KDM4C: variants seen among roughly 807,000 people sequenced by gnomAD.
KDM4C encodes the protein lysine-specific demethylase 4C.
Under a neutral mutation model 129.3 loss-of-function variants are expected in KDM4C, and 81 were observed. That is an observed-to-expected ratio of 0.63 (90% CI 0.52 to 0.75). The LOEUF is 0.75. KDM4C is among the 30% of genes least tolerant of loss of function. KDM4C has a pLI of 0.00. For synonymous variants in KDM4C, 573 were observed against 456.1 expected (o/e 1.26, Z -3.26); for missense variants, 1,457 against 1,304.0 (o/e 1.12, Z -1.81).
At chr9:6,750,013 A>G in intron 1 of KDM4C, among the ~76,000 whole-genome samples, 1 of 147,252 alleles carries the variant, frequency 6.8e-6, no homozygotes, top group Admixed American at 6.9e-5. Flanking sequence ...AAAAAAAAAA[A>G]GAGTAACCTA....
At chr9:6,817,563 T>C (rs898485464) in intron 4 of KDM4C, among the ~76,000 whole-genome samples, 2 of 151,976 alleles carry the variant, frequency 1.3e-5, no homozygotes, top group Non-Finnish European at 2.9e-5. Context: ...TACGTATATG[T>C]TTGAAATAGT....
intron 20 of KDM4C, among the ~76,000 whole-genome samples, chr9:7,169,478 G>A (rs567223908): frequency 6.6e-6 from 1 of 152,284 alleles, no homozygotes; most frequent in South Asian, 2.1e-4. Flanking sequence ...TGGGACTACA[G>A]GCATGCGCCA....
chr9:7,038,212 T>C (rs1564023659), intron 15 of KDM4C, among the ~76,000 whole-genome samples: 1 of 152,150 alleles, frequency 6.6e-6, no homozygotes, highest in African/African-American at 2.4e-5. Context: ...AATTTCTTTA[T>C]GTGTGTGTCT....
intron 15 of KDM4C, among the ~76,000 whole-genome samples, chr9:7,036,776 C>T (rs1055232937): frequency 6.6e-6 from 1 of 152,158 alleles, no homozygotes; most frequent in African/African-American, 2.4e-5. Context: ...CACCACCCCC[C>T]GATATAAGTC....
At chr9:7,081,997 T>C (rs942101631) in intron 17 of KDM4C, among the ~76,000 whole-genome samples, 2 of 152,140 alleles carry the variant, frequency 1.3e-5, no homozygotes, top group African/African-American at 4.8e-5. Context: ...TATCTAGATA[T>C]CAGGTGTTTT....
At chr9:6,847,172 A>G (rs1233689641) in intron 4 of KDM4C, among the ~76,000 whole-genome samples, 1 of 152,230 alleles carries the variant, frequency 6.6e-6, no homozygotes, top group Non-Finnish European at 1.5e-5. Flanking sequence ...TTGCAAGCTC[A>G]TTCAGTTTAA....
At chr9:6,845,092 C>T (rs535823057) in intron 4 of KDM4C, among the ~76,000 whole-genome samples, 3 of 152,196 alleles carry the variant, frequency 2.0e-5, no homozygotes, top group African/African-American at 4.8e-5. Flanking sequence ...CTCATTATTT[C>T]TCAAGGTTTC....
intron 8 of KDM4C, among the ~76,000 whole-genome samples, chr9:6,957,540 T>C (rs1829282730): frequency 6.6e-6 from 1 of 151,962 alleles, no homozygotes; most frequent in African/African-American, 2.4e-5. Flanking sequence ...GCCACAGTGG[T>C]AGTGGCAGCG....
chr9:7,155,225 C>T (rs994415684), intron 19 of KDM4C, among the ~76,000 whole-genome samples: 1 of 152,178 alleles, frequency 6.6e-6, no homozygotes, highest in Admixed American at 6.5e-5. Context: ...GGTGCTGAAC[C>T]CAAGGATATG....
chr9:6,961,687 T>C (rs544303672), intron 8 of KDM4C, among the ~76,000 whole-genome samples: 181 of 152,336 alleles, frequency 1.2e-3, no homozygotes, highest in Non-Finnish European at 2.2e-3. Flanking sequence ...GAGTGTAATA[T>C]ACAAGGTAAG....
At chr9:7,043,455 C>G (rs16925187) in intron 15 of KDM4C, among the ~76,000 whole-genome samples, 7,666 of 152,002 alleles carry the variant, frequency 0.05, 210 homozygotes, top group South Asian at 0.088. Context: ...GTTATCAATT[C>G]TGTTCTCTGA....
At chr9:6,916,889 A>C (rs551881612) in intron 8 of KDM4C, among the ~76,000 whole-genome samples, 2 of 152,296 alleles carry the variant, frequency 1.3e-5, no homozygotes, top group Non-Finnish European at 1.5e-5. Context: ...TGCTTGGTGG[A>C]TGGACAAATG....
chr9:6,743,741 A>G (rs1438895388), intron 1 of KDM4C, among the ~76,000 whole-genome samples: 2 of 152,044 alleles, frequency 1.3e-5, no homozygotes, highest in Non-Finnish European at 2.9e-5. Flanking sequence ...TCCTGGTCTC[A>G]AGCGATCCAC....
chr9:6,834,981 T>C, intron 4 of KDM4C: 1 of 985,502 alleles, frequency 1.0e-6, no homozygotes, highest in Non-Finnish European at 1.6e-6. Context: ...CACACCATCC[T>C]GCATCTGGAC....
intron 5 of KDM4C, among the ~76,000 whole-genome samples, chr9:6,857,901 C>A (rs1269770463): frequency 6.9e-6 from 1 of 145,162 alleles, no homozygotes; most frequent in Non-Finnish European, 1.5e-5. Context: ...ACTACAGGTG[C>A]ATGTTAACAC....
chr9:7,068,886 G>A (rs1209950406), intron 17 of KDM4C, among the ~76,000 whole-genome samples: 1 of 151,580 alleles, frequency 6.6e-6, no homozygotes, highest in Non-Finnish European at 1.5e-5. Context: ...TAGTAGAGAC[G>A]GAGTTTCATC....
chr9:6,992,379 G>A (rs904999841), intron 12 of KDM4C, among the ~76,000 whole-genome samples: 1 of 152,170 alleles, frequency 6.6e-6, no homozygotes, highest in Non-Finnish European at 1.5e-5. Context: ...CGTCTCAAGG[G>A]TTTGAGGTTA....
At chr9:7,053,953 T>C (rs1418132330) in intron 17 of KDM4C, among the ~76,000 whole-genome samples, 1 of 152,264 alleles carries the variant, frequency 6.6e-6, no homozygotes, top group Non-Finnish European at 1.5e-5. Context: ...CCCTGTCAGC[T>C]TCAGCATTCT....
At chr9:6,772,457 G>A (rs988853960) in intron 1 of KDM4C, among the ~76,000 whole-genome samples, 3 of 152,056 alleles carry the variant, frequency 2.0e-5, no homozygotes, top group Non-Finnish European at 2.9e-5. Flanking sequence ...CGCCTCCTGC[G>A]TTCAAGCGAT....
Sources: allele counts gnomAD v4.1 joint callset (sites outside exome capture counted in the v4.1 genomes callset), GRCh38; gene constraint gnomAD v4.1.1; transcripts MANE v1.5; gene names NCBI Gene and HGNC (gene_info 2026-07-23, HGNC 2026-07-21).